Variants in ZNF705B observed in about 807,000 individuals in gnomAD.
ZNF705B encodes the protein zinc finger protein 705B.
Under a neutral mutation model 10.5 loss-of-function variants are expected in ZNF705B, and 1 was observed. The observed-to-expected ratio is 0.10, with a 90% CI of 0.03 to 0.45. The LOEUF (loss-of-function observed/expected upper bound fraction) is 0.45. Ranked by LOEUF, ZNF705B falls within the 20% of genes least tolerant of loss-of-function variation. The pLI is 0.97. For synonymous variants in ZNF705B, 4 were observed against 25.4 expected (o/e 0.16, Z 2.53); for missense variants, 14 against 84.0 (o/e 0.17, Z 3.26).
intron 1 of ZNF705B, among the ~76,000 whole-genome samples, chr8:7,927,357 A>G (rs1819720937): frequency 8.2e-6 from 1 of 121,304 alleles, no homozygotes; most frequent in East Asian, 2.3e-4. Context: ...TCAGGTATCC[A>G]GAAGTTGACT....
At chr8:7,928,583 T>C (rs1293679499) in intron 1 of ZNF705B, among the ~76,000 whole-genome samples, 11 of 112,946 alleles carry the variant, frequency 9.7e-5, no homozygotes, top group African/African-American at 2.6e-4. Flanking sequence ...GGAATTTCAG[T>C]GTTTTACCGT....
intron 1 of ZNF705B, among the ~76,000 whole-genome samples, chr8:7,928,663 G>T (rs1458076655): frequency 1.1e-5 from 1 of 93,672 alleles, no homozygotes; most frequent in African/African-American, 2.9e-5. Flanking sequence ...AAACTCTTTG[G>T]CCCCTAATGC....
rs1345663147 is a variant in ZNF705B at position 7,929,980 on chromosome 8, A to AT, written c.-221-300dup. ...ATATCCATTTACTCTATGTATGTTC[A>AT]TTTTTTTAAAATTTCAACTTATTTT... On this transcript the variant is annotated intron_variant, in intron 1 of 6. Coordinates refer to ENST00000400120, the MANE Select transcript of ZNF705B (RefSeq NM_001193630.1). 3.1e-5 allele frequency among the ~76,000 whole-genome samples: 3 copies of AT among 97,396 alleles called. 1 individual carries two copies. Among genetic ancestry groups the AT allele is most frequent in the Non-Finnish European group, 7.4e-5 (3 of 40,624 alleles). The allele number at this position is 97,396 out of a possible 152,430, so 63.9% of individuals were successfully genotyped here. A position where few individuals can be genotyped will look rare whatever the true frequency, so the allele number is the denominator to read the frequency against.
At position 7,927,588 on chromosome 8, in the gene ZNF705B, ATT is replaced by A. The variant is rs11309300; in HGVS notation, c.-222+1203_-222+1204del. ...TGGGTAGCAATTGACTCTTCCTAAGATTTTTTTTTTTTTCCTGAGACAAACAG... is the reference window on the plus strand; with the variant it reads ...TGGGTAGCAATTGACTCTTCCTAAGATTTTTTTTTTTCCTGAGACAAACAG... On this transcript the variant is annotated intron_variant, in intron 1 of 6. Coordinates refer to ENST00000400120, the MANE Select transcript of ZNF705B (RefSeq NM_001193630.1). Among the ~76,000 whole-genome samples, 14 of 108,986 alleles carry A rather than the reference ATT, an allele frequency of 1.3e-4. 1 individual carries two copies. Among genetic ancestry groups the A allele is most frequent in the Middle Eastern group, 5.0e-3 (1 of 200 alleles). The allele number at this position is 108,986 out of a possible 152,430, so 71.5% of individuals were successfully genotyped here.
chr8:7,937,002 A>G lies in ZNF705B; in HGVS notation c.-72+6566A>G, dbSNP rs113840503. Among the ~76,000 whole-genome samples the G allele has an allele frequency of 2.0e-4, 24 of 120,432 alleles. 2 individuals are homozygous for G. Among genetic ancestry groups the G allele is most frequent in the African/African-American group, 4.6e-4 (18 of 39,328 alleles). 79.0% of individuals were successfully genotyped at this position (120,432 alleles called of 152,430 possible). A position where few individuals can be genotyped will look rare whatever the true frequency, so the allele number is the denominator to read the frequency against. On this transcript the variant is annotated intron_variant, in intron 2 of 6. Transcript: ENST00000400120. ...TCGTTTTCATTTGTTCTTTGCTTGT[A>G]AACCTTGTGTATTGCATATTGTGGA...
At chr8:7,934,033 T>A (rs1029693614) in intron 2 of ZNF705B, among the ~76,000 whole-genome samples, 2 of 137,840 alleles carry the variant, frequency 1.5e-5, no homozygotes, top group African/African-American at 5.2e-5. Context: ...CTCCACCTCA[T>A]GGGTTCAAAC....
At chr8:7,935,830 C>G (rs1328092266) in intron 2 of ZNF705B, among the ~76,000 whole-genome samples, 3 of 91,392 alleles carry the variant, frequency 3.3e-5, no homozygotes, top group African/African-American at 8.2e-5. Flanking sequence ...AGCTTTCCAT[C>G]TCTTCCTTTT....
intron 2 of ZNF705B, among the ~76,000 whole-genome samples, chr8:7,941,089 C>T (rs1373611107): frequency 6.7e-5 from 10 of 149,198 alleles, no homozygotes; most frequent in African/African-American, 2.4e-4. Flanking sequence ...CAGTCTGTCA[C>T]TGATGGACAT....
rs1819774926 is a variant in ZNF705B, at chr8:7,929,122, C to T, written c.-221-1165C>T. Among the ~76,000 whole-genome samples, 3 of 121,530 alleles carry T rather than the reference C, an allele frequency of 2.5e-5. 1 individual carries two copies. Among genetic ancestry groups the T allele is most frequent in the Non-Finnish European group, 5.9e-5 (3 of 50,482 alleles). The allele number at this position is 121,530 out of a possible 152,430, so 79.7% of individuals were successfully genotyped here. On this transcript the variant is annotated intron_variant, in intron 1 of 6. Coordinates refer to ENST00000400120, the MANE Select transcript of ZNF705B (RefSeq NM_001193630.1). ...AAGAAGAGAGAGAATTTAACCTCTCCTTAATGATTCATGTAGCACTTTCAT... is the reference window on the plus strand; with the variant it reads ...AAGAAGAGAGAGAATTTAACCTCTCTTTAATGATTCATGTAGCACTTTCAT...
rs576449986 is a variant in ZNF705B at position 7,931,642 on chromosome 8, C to A, written c.-72+1206C>A. ...CCTGTGCTCTGGCCCTGGAATAGTGCCCAGGCAGGTGAGTCCCCAGGTCCC... is the reference window on the plus strand; with the variant it reads ...CCTGTGCTCTGGCCCTGGAATAGTGACCAGGCAGGTGAGTCCCCAGGTCCC... On this transcript the variant is annotated intron_variant, in intron 2 of 6. Coordinates refer to ENST00000400120, the MANE Select transcript of ZNF705B (RefSeq NM_001193630.1). Among the ~76,000 whole-genome samples the A allele has an allele frequency of 8.2e-5, 10 of 122,350 alleles. 1 individual carries two copies. In the East Asian group the frequency reaches 2.3e-3, roughly 29 times the overall value. 80.3% of individuals were successfully genotyped at this position (122,350 alleles called of 152,430 possible). A position where few individuals can be genotyped will look rare whatever the true frequency, so the allele number is the denominator to read the frequency against.
At chr8:7,932,523 G>A (rs1300731792) in intron 2 of ZNF705B, among the ~76,000 whole-genome samples, 1 of 121,112 alleles carries the variant, frequency 8.3e-6, no homozygotes, top group African/African-American at 2.5e-5. Context: ...TCTTTTCTAG[G>A]GAAGCACTTA....
intron 2 of ZNF705B, among the ~76,000 whole-genome samples, chr8:7,936,324 G>A (rs1222659677): frequency 8.4e-5 from 10 of 119,348 alleles, no homozygotes; most frequent in South Asian, 2.8e-4. Flanking sequence ...ACCACTTTTC[G>A]AGAAACTTAA....
rs565029436 is a variant in ZNF705B, at chr8:7,937,183, A to T, written c.-72+6747A>T. 9.3e-4 allele frequency among the ~76,000 whole-genome samples: 110 copies of T among 117,748 alleles called. 13 individuals are homozygous for T. The highest frequency in any genetic ancestry group is 4.3e-3 in the Middle Eastern group (1 of 232). The allele number at this position is 117,748 out of a possible 152,430, so 77.2% of individuals were successfully genotyped here. A position where few individuals can be genotyped will look rare whatever the true frequency, so the allele number is the denominator to read the frequency against. ...ATTACCCAGTGATCGAGTGAAGCAG[A>T]TGATAGGGACAGCACTAAGGCTTGG... On this transcript the variant is annotated intron_variant, in intron 2 of 6. Coordinates refer to ENST00000400120, the MANE Select transcript of ZNF705B (RefSeq NM_001193630.1).
At chr8:7,928,976 C>T (rs1300851957) in intron 1 of ZNF705B, among the ~76,000 whole-genome samples, 1 of 116,102 alleles carries the variant, frequency 8.6e-6, no homozygotes, top group East Asian at 2.5e-4. Flanking sequence ...ACAAAACTAC[C>T]TATTAGGTAC....
At position 7,945,479 on chromosome 8, in the gene ZNF705B, A is replaced by AT. The variant is rs1208245630; in HGVS notation, c.-71-1864dup. 1.4e-4 allele frequency among the ~76,000 whole-genome samples: 10 copies of AT among 71,068 alleles called. 4 individuals are homozygous for AT. The East Asian group carries it at 1.6e-3, about 11-fold the overall frequency. The allele number at this position is 71,068 out of a possible 152,430, so 46.6% of individuals were successfully genotyped here. On this transcript the variant is annotated intron_variant, in intron 2 of 6. Transcript: ENST00000400120. ...CTTTGTCGGCATTCTCTAATATCTTATTTTTTTTGAAGGAATATCTGTTCT... is the reference window on the plus strand; with the variant it reads ...CTTTGTCGGCATTCTCTAATATCTTATTTTTTTTTGAAGGAATATCTGTTCT...
chr8:7,930,839 T>G (rs1819823630), intron 2 of ZNF705B, among the ~76,000 whole-genome samples: 1 of 95,558 alleles, frequency 1.0e-5, no homozygotes, highest in Non-Finnish European at 2.6e-5. Flanking sequence ...GTTGTGTTAT[T>G]TTTTTTGTTT....
At chr8:7,927,824 G>C (rs1417579696) in intron 1 of ZNF705B, among the ~76,000 whole-genome samples, 2 of 146,046 alleles carry the variant, frequency 1.4e-5, no homozygotes, top group Admixed American at 1.4e-4. Context: ...ATCAGAGCTT[G>C]GCTGATTTCT....
chr8:7,929,515 T>C (rs1685690905), intron 1 of ZNF705B, among the ~76,000 whole-genome samples: 1 of 121,776 alleles, frequency 8.2e-6, no homozygotes, highest in African/African-American at 2.5e-5. Flanking sequence ...TAAGCAGAAA[T>C]GAAAATCCAC....
intron 1 of ZNF705B, among the ~76,000 whole-genome samples, chr8:7,929,053 G>A (rs1292556553): frequency 8.3e-6 from 1 of 120,996 alleles, no homozygotes; most frequent in Admixed American, 9.4e-5. Flanking sequence ...ATTCATCCAT[G>A]TAACAAAAAA....
Sources: allele counts gnomAD v4.1 joint callset (sites outside exome capture counted in the v4.1 genomes callset), GRCh38; gene constraint gnomAD v4.1.1; transcripts MANE v1.5; gene names NCBI Gene and HGNC (gene_info 2026-07-23, HGNC 2026-07-21).